MRTFA: variants seen among roughly 807,000 people sequenced by gnomAD.
MRTFA encodes the protein myocardin-related transcription factor A.
Under a neutral mutation model 83.5 loss-of-function variants are expected in MRTFA, and 20 were observed. The ratio of observed to expected loss-of-function variants is 0.24; its 90% CI spans 0.17 to 0.35. The LOEUF (loss-of-function observed/expected upper bound fraction) is 0.35, where lower values mean the gene tolerates loss of function less well. Among genes scored for constraint, MRTFA ranks in the 10% least tolerant of loss-of-function variants. The pLI is 1.00. For missense variants in MRTFA, 1,200 were observed against 1,224.7 expected (o/e 0.98, Z 0.30); for synonymous variants, 659 against 541.2 (o/e 1.22, Z -3.02).
At chr22:40,569,127 ACACCAGTAGTCC>A (rs1277818702) in intron 2 of MRTFA, among the ~76,000 whole-genome samples, 2 of 152,232 alleles carry the variant, frequency 1.3e-5, no homozygotes, top group African/African-American at 4.8e-5. Flanking sequence ...GCAATGGTAC[ACACCAGTAGTCC>A]CACCAGGGAC....
chr22:40,469,436 C>T (rs187549263), intron 3 of MRTFA, among the ~76,000 whole-genome samples: 5 of 152,328 alleles, frequency 3.3e-5, no homozygotes, highest in African/African-American at 7.2e-5. Context: ...TAAGTAAAAG[C>T]TTCCTGAGGC....
At chr22:40,556,836 G>A in intron 2 of MRTFA, among the ~76,000 whole-genome samples, 1 of 152,132 alleles carries the variant, frequency 6.6e-6, no homozygotes. Flanking sequence ...TCTTTTAACA[G>A]CAGCAGCCTT....
At chr22:40,613,012 T>C (rs1430068243) in intron 1 of MRTFA, among the ~76,000 whole-genome samples, 1 of 152,222 alleles carries the variant, frequency 6.6e-6, no homozygotes, top group Non-Finnish European at 1.5e-5. Flanking sequence ...ATTCCACCCT[T>C]ACTGCATCTA....
intron 3 of MRTFA, among the ~76,000 whole-genome samples, chr22:40,508,539 A>AAAAC (rs1569303343): frequency 6.7e-6 from 1 of 149,034 alleles, no homozygotes; most frequent in African/African-American, 2.5e-5. Context: ...AAAAAAAAAA[A>AAAAC]AGGATTCATT....
chr22:40,436,519 T>TG (rs1277386365), intron 4 of MRTFA, among the ~76,000 whole-genome samples: 1 of 152,146 alleles, frequency 6.6e-6, no homozygotes, highest in Non-Finnish European at 1.5e-5. Context: ...AGCTCTATTC[T>TG]GGGGATACCA....
At chr22:40,593,421 G>A (rs1186982432) in intron 2 of MRTFA, among the ~76,000 whole-genome samples, 1 of 152,074 alleles carries the variant, frequency 6.6e-6, no homozygotes. Flanking sequence ...TTCAATAAAA[G>A]TTGGTACCTT....
At chr22:40,605,177 C>T (rs2056305264) in intron 1 of MRTFA, among the ~76,000 whole-genome samples, 1 of 152,124 alleles carries the variant, frequency 6.6e-6, no homozygotes, top group Non-Finnish European at 1.5e-5. Flanking sequence ...TAGATACCCA[C>T]CATATGCTAA....
chr22:40,632,973 G>A (rs1056975085), intron 1 of MRTFA, among the ~76,000 whole-genome samples: 12 of 152,186 alleles, frequency 7.9e-5, no homozygotes, highest in East Asian at 1.9e-4. Flanking sequence ...CATAAACAGC[G>A]CCCATATTTG....
chr22:40,577,425 T>C (rs982418776), intron 2 of MRTFA, among the ~76,000 whole-genome samples: 2 of 149,054 alleles, frequency 1.3e-5, no homozygotes, highest in African/African-American at 4.9e-5. Flanking sequence ...TTTTACTTGA[T>C]AATAATCAAA....
At chr22:40,521,506 T>A (rs1174643227) in intron 3 of MRTFA, among the ~76,000 whole-genome samples, 4 of 151,426 alleles carry the variant, frequency 2.6e-5, no homozygotes, top group Non-Finnish European at 5.9e-5. Flanking sequence ...ATTAATTAAT[T>A]AATTAATTAT....
At chr22:40,483,138 G>A (rs2147188123) in intron 3 of MRTFA, among the ~76,000 whole-genome samples, 1 of 152,200 alleles carries the variant, frequency 6.6e-6, no homozygotes, top group African/African-American at 2.4e-5. Flanking sequence ...ACAGCTCACT[G>A]TAATCTCAAA....
chr22:40,500,601 G>A (rs947390719), intron 3 of MRTFA, among the ~76,000 whole-genome samples: 3 of 151,844 alleles, frequency 2.0e-5, no homozygotes, highest in African/African-American at 4.8e-5. Flanking sequence ...GACTCTTAAC[G>A]AGCATGCTGC....
At chr22:40,515,634 T>C (rs2054745566) in intron 3 of MRTFA, among the ~76,000 whole-genome samples, 1 of 151,926 alleles carries the variant, frequency 6.6e-6, no homozygotes, top group African/African-American at 2.4e-5. Context: ...CGGAGGAACC[T>C]AGAAAACAGA....
At chr22:40,546,551 G>A (rs1022480474) in intron 3 of MRTFA, among the ~76,000 whole-genome samples, 3 of 152,220 alleles carry the variant, frequency 2.0e-5, no homozygotes, top group African/African-American at 7.2e-5. Context: ...ACAAATTACT[G>A]TGGCAATGGC....
intron 7 of MRTFA, among the ~76,000 whole-genome samples, chr22:40,428,469 G>C (rs1041852695): frequency 6.6e-6 from 1 of 152,144 alleles, no homozygotes; most frequent in Non-Finnish European, 1.5e-5. Flanking sequence ...AAACTCCCAA[G>C]TGTGCCAAGA....
At chr22:40,618,454 G>A (rs549559034) in intron 1 of MRTFA, among the ~76,000 whole-genome samples, 1 of 152,010 alleles carries the variant, frequency 6.6e-6, no homozygotes, top group South Asian at 2.1e-4. Flanking sequence ...AAAAAAGTGA[G>A]GAAGTAAACC....
intron 4 of MRTFA, among the ~76,000 whole-genome samples, chr22:40,439,334 C>A (rs2053230141): frequency 1.3e-5 from 2 of 151,868 alleles, no homozygotes; most frequent in African/African-American, 4.8e-5. Flanking sequence ...AAAACCATGT[C>A]TCTACTAAAA....
intron 3 of MRTFA, among the ~76,000 whole-genome samples, chr22:40,529,239 A>G (rs2055032993): frequency 6.6e-6 from 1 of 152,224 alleles, no homozygotes. Flanking sequence ...TGATTAGGGA[A>G]ATAGAAGTTA....
chr22:40,620,049 C>CCAGGTTCAA (rs974638940), intron 1 of MRTFA, among the ~76,000 whole-genome samples: 149 of 151,856 alleles, frequency 9.8e-4, no homozygotes, highest in African/African-American at 3.5e-3. Flanking sequence ...CCTCCGTCTC[C>CCAGGTTCAA]CAGGTTCAAG....
Sources: allele counts gnomAD v4.1 joint callset (sites outside exome capture counted in the v4.1 genomes callset), GRCh38; gene constraint gnomAD v4.1.1; transcripts MANE v1.5; gene names NCBI Gene and HGNC (gene_info 2026-07-23, HGNC 2026-07-21).